SPG21: variants seen among roughly 807,000 people sequenced by gnomAD.
SPG21 encodes the protein SPG21 abhydrolase domain containing, maspardin.
Under a neutral mutation model 38.9 loss-of-function variants are expected in SPG21, and 26 were observed. That is an observed-to-expected ratio of 0.67 (90% CI 0.49 to 0.93). SPG21 has a LOEUF of 0.93. Among genes scored for constraint, SPG21 ranks in the 40% least tolerant of loss-of-function variants. SPG21 has a pLI of 0.00. For synonymous variants in SPG21, 136 were observed against 128.9 expected (o/e 1.05, Z -0.37); for missense variants, 333 against 376.5 (o/e 0.88, Z 0.96).
intron 4 of SPG21, among the ~76,000 whole-genome samples, chr15:64,975,107 G>C (rs2085748717): frequency 6.6e-6 from 1 of 151,924 alleles, no homozygotes; most frequent in Non-Finnish European, 1.5e-5. Flanking sequence ...AGCCAGCATG[G>C]TGAAACCGTC....
intron 1 of SPG21, among the ~76,000 whole-genome samples, chr15:64,984,648 A>C (rs1469597711): frequency 6.6e-6 from 1 of 151,024 alleles, no homozygotes; most frequent in Admixed American, 6.6e-5. Flanking sequence ...TACCACACCC[A>C]GCCTAGAGAA....
intron 7 of SPG21, 98 bp downstream of exon 7, chr15:64,969,157 G>T (rs967000921): frequency 3.5e-5 from 30 of 860,110 alleles, no homozygotes; most frequent in Non-Finnish European, 5.7e-5. Flanking sequence ...GGCAGCATTT[G>T]AAGAGGTACA....
At chr15:64,972,982 G>T (rs537496355) in intron 5 of SPG21, among the ~76,000 whole-genome samples, 2 of 150,950 alleles carry the variant, frequency 1.3e-5, no homozygotes, top group Non-Finnish European at 3.0e-5. Flanking sequence ...CTTTTTTTTT[G>T]AAGTAGGGTC....
chr15:64,966,402 A>G (rs2085540962), intron 7 of SPG21, among the ~76,000 whole-genome samples: 1 of 152,214 alleles, frequency 6.6e-6, no homozygotes, highest in Non-Finnish European at 1.5e-5. Context: ...TAAAACTTAC[A>G]GGCTGTTTTC....
In SPG21 at chr15:64,963,089, ATTTG is replaced by A. The variant is rs1188097336; in HGVS notation, c.*527_*530del. The stretch of plus-strand genomic sequence containing the variant: ...AAGGCAGTAGCTAACACTCAAAACA[ATTTG>A]TTTAAGTGTAAATTAAAAGCAGTTG... On this transcript the variant is annotated 3_prime_UTR_variant, in exon 9 of 9. Coordinates refer to ENST00000204566, the MANE Select transcript of SPG21 (RefSeq NM_016630.7). The A allele has an allele frequency of 6.5e-6, 1 of 153,386 alleles. No homozygotes were observed. Among genetic ancestry groups the A allele is most frequent in the East Asian group, 1.9e-4 (1 of 5,206 alleles). The allele number at this position is 153,386 out of a possible 1,614,324, so 9.5% of individuals were successfully genotyped here.
chr15:64,977,449 TC>T (rs1465913828), intron 3 of SPG21, among the ~76,000 whole-genome samples: 1 of 152,058 alleles, frequency 6.6e-6, no homozygotes, highest in Non-Finnish European at 1.5e-5. Context: ...AGCCACAACC[TC>T]TTGGGTGCAA....
intron 3 of SPG21, among the ~76,000 whole-genome samples, chr15:64,979,845 CAAAAAAAAAAAAAA>C (rs71136305): frequency 1.1e-5 from 1 of 89,552 alleles, no homozygotes; most frequent in Non-Finnish European, 2.1e-5. Context: ...TGGAAGCATG[CAAAAAAAAAAAAAA>C]AAAAAAAAAT....
rs1286048243 is a variant in SPG21 at position 64,963,578 on chromosome 15, A to G, written c.*42T>C. The G allele has an allele frequency of 3.9e-6, 6 of 1,551,414 alleles. No homozygotes were observed. Among genetic ancestry groups the G allele is most frequent in the Non-Finnish European group, 5.3e-6 (6 of 1,124,630 alleles). On this transcript the variant is annotated 3_prime_UTR_variant, in exon 9 of 9. Coordinates refer to ENST00000204566, the MANE Select transcript of SPG21 (RefSeq NM_016630.7). Reference sequence around the variant, plus strand: ...GGGTGCTGATGCCACTGACTATACAAGAACACACCGGGTCAACTCATCATT... The same window carrying G: ...GGGTGCTGATGCCACTGACTATACAGGAACACACCGGGTCAACTCATCATT...
chr15:64,963,716 A>G lies in SPG21; in HGVS notation c.831T>C (p.His277=), dbSNP rs767959769. Reference sequence around the variant, plus strand: ...GGTCAATGGCCGCGTATTTGGTTCCATGGAATTGCAGCAAATGTATCTGTT... The same window carrying G: ...GGTCAATGGCCGCGTATTTGGTTCCGTGGAATTGCAGCAAATGTATCTGTT... ...LYVQIHLLQF[H]GTKYAAIDPS... Residue 277 remains histidine (H), a synonymous_variant, in exon 9 of 9, where the codon CAT becomes CAC. Transcript: ENST00000204566. 80 of 1,614,056 alleles carry G rather than the reference A, an allele frequency of 5.0e-5. No homozygotes were observed. The highest frequency in any genetic ancestry group is 6.6e-5 in the Non-Finnish European group (78 of 1,179,966).
chr15:64,969,453 T>C, intron 6 of SPG21, 91 bp from the exon 7 acceptor site: 1 of 952,336 alleles, frequency 1.1e-6, no homozygotes, highest in Admixed American at 1.7e-5. Flanking sequence ...CTTATAAAGG[T>C]GGTATCATCT....
intron 1 of SPG21, 71 bp downstream of exon 1, chr15:64,989,594 G>A: frequency 6.5e-6 from 1 of 153,902 alleles, no homozygotes; most frequent in Non-Finnish European, 1.4e-5. Context: ...GCAGCCACGC[G>A]CCACACACAC....
At chr15:64,973,542 C>G (rs1329044390) in intron 5 of SPG21, among the ~76,000 whole-genome samples, 1 of 151,890 alleles carries the variant, frequency 6.6e-6, no homozygotes, top group African/African-American at 2.4e-5. Context: ...ACCTCCGCAT[C>G]CTGGGTTCAA....
intron 2 of SPG21, 58 bp from the exon 3 acceptor site, chr15:64,981,083 A>G: frequency 6.2e-7 from 1 of 1,600,268 alleles, no homozygotes; most frequent in Admixed American, 1.7e-5. Context: ...TTTTTATGTT[A>G]TTTTACACTG....
rs2085631779 is a variant in SPG21, at chr15:64,970,105, G to C, written c.561+9C>G. 6.2e-7 allele frequency: 1 copy of C among 1,607,236 alleles called. No individual in the cohort carries two copies. Among genetic ancestry groups the C allele is most frequent in the African/African-American group, 1.3e-5 (1 of 74,786 alleles). On this transcript the variant is annotated intron_variant, in intron 6 of 8. Coordinates refer to ENST00000204566, the MANE Select transcript of SPG21 (RefSeq NM_016630.7). The stretch of plus-strand genomic sequence containing the variant: ...CAATGTGTCCCCAACCCAATGTCAT[G>C]ATCCTTACCCTGTCTACCATGAAAT...
chr15:64,979,448 G>A (rs969771351), intron 3 of SPG21, among the ~76,000 whole-genome samples: 1 of 152,158 alleles, frequency 6.6e-6, no homozygotes, highest in Non-Finnish European at 1.5e-5. Context: ...GAACAAAGGA[G>A]GATTATGTTG....
chr15:64,965,222 G>A, intron 8 of SPG21, 98 bp downstream of exon 8: 1 of 1,488,392 alleles, frequency 6.7e-7, no homozygotes, highest in Non-Finnish European at 9.3e-7. Context: ...AAGGAATTCT[G>A]TAGTTCACTG....
At chr15:64,978,005 G>C (rs1272191179) in intron 3 of SPG21, among the ~76,000 whole-genome samples, 3 of 151,736 alleles carry the variant, frequency 2.0e-5, no homozygotes, top group Non-Finnish European at 4.4e-5. Flanking sequence ...TGTTGTTGTT[G>C]TATTTTTAGT....
At chr15:64,966,447 GA>G (rs1277986806) in intron 7 of SPG21, among the ~76,000 whole-genome samples, 1 of 152,188 alleles carries the variant, frequency 6.6e-6, no homozygotes, top group Non-Finnish European at 1.5e-5. Flanking sequence ...GCACAGCTTT[GA>G]AAGAAGGGCA....
chr15:64,963,394 A>C lies in SPG21; in HGVS notation c.*226T>G. On this transcript the variant is annotated 3_prime_UTR_variant, in exon 9 of 9. Coordinates refer to ENST00000204566, the MANE Select transcript of SPG21 (RefSeq NM_016630.7). Reference sequence around the variant, plus strand: ...GGTTCTTAAAATGGGAGTCTTCAAAAGTACTTCTTCAAATTCAAAAGCTAA... The same window carrying C: ...GGTTCTTAAAATGGGAGTCTTCAAACGTACTTCTTCAAATTCAAAAGCTAA... The C allele has an allele frequency of 1.9e-6, 1 of 515,814 alleles. No individual in the cohort carries two copies. Among genetic ancestry groups the C allele is most frequent in the Non-Finnish European group, 3.5e-6 (1 of 288,920 alleles). 32.0% of individuals were successfully genotyped at this position (515,814 alleles called of 1,614,324 possible).
Sources: allele counts gnomAD v4.1 joint callset (sites outside exome capture counted in the v4.1 genomes callset), GRCh38; gene constraint gnomAD v4.1.1; transcripts MANE v1.5; gene names NCBI Gene and HGNC (gene_info 2026-07-23, HGNC 2026-07-21).